NBEAL1: variants seen among roughly 807,000 people sequenced by gnomAD.
NBEAL1 encodes neurobeachin like 1, also known as neurobeachin-like protein 1.
A neutral mutation model predicts 351.3 loss-of-function variants in NBEAL1; 273 were observed. The observed-to-expected ratio is 0.78, with a 90% confidence interval of 0.70 to 0.86. The LOEUF is 0.86. NBEAL1 is among the 40% of genes least tolerant of loss of function. The pLI, the probability that NBEAL1 is intolerant of heterozygous loss-of-function variation, is 0.00. For missense variants in NBEAL1, 2,961 were observed against 3,201.3 expected (o/e 0.92, Z 1.81); for synonymous variants, 1,050 against 1,086.4 (o/e 0.97, Z 0.66).
Position 203,133,104 on chromosome 2 carries a change from T to C in NBEAL1, c.3771T>C (p.Ser1257=). 2 of 1,519,212 alleles carry C rather than the reference T, an allele frequency of 1.3e-6. No individual in the cohort carries two copies. Among genetic ancestry groups the C allele is most frequent in the East Asian group, 2.5e-5 (1 of 40,310 alleles). 94.1% of individuals were successfully genotyped at this position (1,519,212 alleles called of 1,614,324 possible). Residue 1257 remains serine, a synonymous_variant, in exon 27 of 56, where the codon TCT becomes TCC. Transcript: ENST00000683969. Reference sequence around the variant, plus strand: ...ATCTACTATCTGTGGTATATATATCTCACAGAGCACATATAAATGTTAGAG... The same window carrying C: ...ATCTACTATCTGTGGTATATATATCCCACAGAGCACATATAAATGTTAGAG... ...FKDLLSVVYI[S]HRAHINVRVA...
At chr2:203,023,300 G>C (rs772366572) in intron 2 of NBEAL1, among the ~76,000 whole-genome samples, 3 of 152,092 alleles carry the variant, frequency 2.0e-5, no homozygotes, top group Non-Finnish European at 4.4e-5. Context: ...TAACAGCTTT[G>C]TATGTAAGGA....
Position 203,111,964 on chromosome 2 carries a change from G to T in NBEAL1, c.2083-15G>T. ...ATGTAATTTTATCCTTTAAATGTGT[G>T]TTTCACTTTACCAGCACAACATAAC... On this transcript the variant is annotated splice_polypyrimidine_tract_variant and intron_variant, in intron 15 of 55. Coordinates refer to ENST00000683969, the MANE Select transcript of NBEAL1 (RefSeq NM_001378026.1). 1 of 1,542,868 alleles carries T rather than the reference G, an allele frequency of 6.5e-7. No homozygotes were observed. The highest frequency in any genetic ancestry group is 1.2e-5 in the South Asian group (1 of 81,294).
At chr2:203,058,765 G>T (rs1448100027) in intron 6 of NBEAL1, among the ~76,000 whole-genome samples, 2 of 152,164 alleles carry the variant, frequency 1.3e-5, no homozygotes, top group Non-Finnish European at 2.9e-5. Flanking sequence ...CAAAAGGGAG[G>T]CAGCTGGAAA....
At chr2:203,047,158 A>G (rs1057488388) in intron 3 of NBEAL1, among the ~76,000 whole-genome samples, 1 of 152,078 alleles carries the variant, frequency 6.6e-6, no homozygotes, top group Non-Finnish European at 1.5e-5. Context: ...AATCGCTTGA[A>G]TGCGGGAGGC....
At chr2:203,190,159 T>TACATAC (rs2065026585) in intron 45 of NBEAL1, 133 bp from the exon 46 acceptor site, 1 of 423,300 alleles carries the variant, frequency 2.4e-6, no homozygotes, top group Admixed American at 4.3e-5. Context: ...AAGATGTGTG[T>TACATAC]ACACACACAC....
rs752928899 is a variant in NBEAL1, at chr2:203,190,384, T to C, written c.6916T>C (p.Leu2306=). The C allele has an allele frequency of 1.6e-5, 25 of 1,602,364 alleles. No individual in the cohort carries two copies. The highest frequency in any genetic ancestry group is 2.0e-5 in the Non-Finnish European group (24 of 1,173,604). ...NNFGQTPCQL[L]KEPHPPRLSA... ...TTTTGGGCAAACACCCTGTCAATTA[T>C]TAAAGGTAAGTCAACAACTTAAGAA... is the stretch of plus-strand genomic sequence containing the variant. The change falls in exon 46 of 56, where the codon TTA becomes CTA. Residue 2306 remains leucine, a synonymous_variant. Transcript: ENST00000683969.
intron 42 of NBEAL1, among the ~76,000 whole-genome samples, chr2:203,177,084 G>A (rs576975620): frequency 2.7e-5 from 4 of 149,720 alleles, no homozygotes; most frequent in South Asian, 2.1e-4. Context: ...CCAGGAGGTC[G>A]AGGCTATAGT....
chr2:203,047,895 A>G lies in NBEAL1; in HGVS notation c.144-1919A>G, dbSNP rs2061255396. Among the ~76,000 whole-genome samples, 5 of 151,502 alleles carry G rather than the reference A, an allele frequency of 3.3e-5. No individual in the cohort carries two copies. In the South Asian group the frequency reaches 1.0e-3, roughly 32 times the overall value. ...GTAGCTGGGACCACAGACATATACC[A>G]CTATACCTGGTTAATTTTTTTTTTT... On this transcript the variant is annotated intron_variant, in intron 3 of 55. Transcript: ENST00000683969.
Position 203,083,457 on chromosome 2 carries a change from C to T in NBEAL1, c.923C>T (p.Ala308Val). The part of the protein sequence containing the change: ...YFKLLNSDHS[A>V]LPNQRRSRQW... Reference sequence around the variant, plus strand: ...AAATTGCTAAATTCAGATCATTCAGCTTTACCTAATCAAAGGAGGTCCAGA... The same window carrying T: ...AAATTGCTAAATTCAGATCATTCAGTTTTACCTAATCAAAGGAGGTCCAGA... The change falls in exon 9 of 56, where the codon GCT (alanine) becomes GTT (valine). Residue 308 changes from alanine (A) to valine (V), a missense_variant. Ala to Val is a moderately conservative substitution (Grantham distance 64). Coordinates refer to ENST00000683969, the MANE Select transcript of NBEAL1 (RefSeq NM_001378026.1). 1.9e-6 allele frequency: 3 copies of T among 1,552,926 alleles called. No individual in the cohort carries two copies. Among genetic ancestry groups the T allele is most frequent in the South Asian group, 1.2e-5 (1 of 84,142 alleles).
At chr2:203,201,478 A>G (rs2065396343) in intron 49 of NBEAL1, 65 bp from the exon 50 acceptor site, 1 of 1,278,210 alleles carries the variant, frequency 7.8e-7, no homozygotes, top group Admixed American at 2.8e-5. Context: ...AGGTTTAAAA[A>G]GAATAGTTCA....
chr2:203,217,298 C>T lies in NBEAL1; in HGVS notation c.8116C>T (p.Arg2706Trp), dbSNP rs377175460. ...TCGAAAATTTTGGGGATCGAGCAAG[C>T]GGCTCAGCCAGATTTCAGCTGGAGA... ...LSRKFWGSSK[R>W]LSQISAGETE... Residue 2706 changes from arginine (R) to tryptophan (W), a missense_variant, in exon 56 of 56, where the codon CGG (arginine) becomes TGG (tryptophan). Physicochemically the swap from Arg to Trp is moderately radical, Grantham distance 101. Transcript: ENST00000683969. 63 of 1,599,356 alleles carry T rather than the reference C, an allele frequency of 3.9e-5. No individual in the cohort carries two copies. In the African/African-American group the frequency reaches 4.8e-4, roughly 12 times the overall value.
At chr2:203,092,953 CT>C (rs1304829022) in intron 10 of NBEAL1, among the ~76,000 whole-genome samples, 3 of 152,194 alleles carry the variant, frequency 2.0e-5, no homozygotes, top group Non-Finnish European at 4.4e-5. Context: ...TGCTAATCCG[CT>C]GGATGCGGTA....
At chr2:203,136,801 T>C in intron 29 of NBEAL1, 27 bp downstream of exon 29, 1 of 1,601,550 alleles carries the variant, frequency 6.2e-7, no homozygotes, top group Non-Finnish European at 8.5e-7. Flanking sequence ...TGATTTTCCA[T>C]CCTCCTTTTG....
At chr2:203,162,851 AATATAT>A (rs1553493726) in intron 36 of NBEAL1, among the ~76,000 whole-genome samples, 2 of 151,886 alleles carry the variant, frequency 1.3e-5, no homozygotes, top group Admixed American at 1.3e-4. Flanking sequence ...TCTCACAAAA[AATATAT>A]ATATAGTCTT....
chr2:203,173,112 G>A (rs1161767812), intron 41 of NBEAL1, among the ~76,000 whole-genome samples: 1 of 152,058 alleles, frequency 6.6e-6, no homozygotes, highest in Non-Finnish European at 1.5e-5. Flanking sequence ...CATGTAATAA[G>A]TATGTGCTAA....
intron 10 of NBEAL1, among the ~76,000 whole-genome samples, chr2:203,090,221 T>G (rs953493470): frequency 1.3e-5 from 2 of 152,178 alleles, no homozygotes; most frequent in African/African-American, 2.4e-5. Flanking sequence ...TTTTATAGAT[T>G]TAAGAGGTAC....
intron 43 of NBEAL1, chr2:203,181,350 A>G (rs548099076): frequency 6.0e-4 from 92 of 152,308 alleles, no homozygotes; most frequent in African/African-American, 2.2e-3. Context: ...TTGACTTTTT[A>G]TAGGAAAAAT....
chr2:203,040,929 G>A (rs1044586159), intron 2 of NBEAL1: 7 of 317,326 alleles, frequency 2.2e-5, no homozygotes, highest in African/African-American at 1.5e-4. Flanking sequence ...ACAGTGCAGT[G>A]GAAGCATGTG....
intron 54 of NBEAL1, 65 bp from the exon 55 acceptor site, chr2:203,213,453 A>G (rs1397323111): frequency 1.4e-6 from 2 of 1,407,244 alleles, no homozygotes; most frequent in Admixed American, 4.0e-5. Context: ...TTTTCCAGAT[A>G]TAAAATTCTG....
Sources: gnomAD v4.1 joint callset for allele counts (sites outside exome capture counted in the v4.1 genomes callset) on GRCh38, gnomAD v4.1.1 for gene constraint, MANE v1.5 for transcripts, NCBI Gene and HGNC (gene_info 2026-07-23, HGNC 2026-07-21) for gene names.